The following MYO5B variants were observed in gnomAD, a reference collection of about 807,000 sequenced individuals.
MYO5B encodes the protein myosin VB.
MYO5B carries 143 observed loss-of-function variants against 229.3 expected under a neutral mutation model. That is an observed-to-expected ratio of 0.62 (90% CI 0.54 to 0.72). The LOEUF (loss-of-function observed/expected upper bound fraction) is 0.72. MYO5B is among the 30% of genes least tolerant of loss of function. MYO5B has a pLI of 0.00. For missense variants in MYO5B, 2,321 were observed against 2,331.0 expected (o/e 1.00, Z 0.09); for synonymous variants, 918 against 885.2 (o/e 1.04, Z -0.66).
intron 14 of MYO5B, among the ~76,000 whole-genome samples, chr18:49,951,152 T>A (rs1157842880): frequency 6.6e-6 from 1 of 152,164 alleles, no homozygotes; most frequent in Non-Finnish European, 1.5e-5. Context: ...CCTGTATGAC[T>A]CCAGGTGGAA....
Position 50,099,253 on chromosome 18 carries a change from C to T in MYO5B, c.28-43875G>A, listed in dbSNP as rs1239102290. Reference sequence around the variant, plus strand: ...ATAAGAACAACTGATACAATAAAACCCAAAACACCTGAAACAAAAAAGGCA... The same window carrying T: ...ATAAGAACAACTGATACAATAAAACTCAAAACACCTGAAACAAAAAAGGCA... On this transcript the variant is annotated intron_variant, in intron 1 of 39. Transcript: ENST00000285039. The T allele has an allele frequency of 5.3e-5, 8 of 152,188 alleles. No individual in the cohort carries two copies. The East Asian group carries it at 1.5e-3, about 29-fold the overall frequency. 9.4% of individuals were successfully genotyped at this position (152,188 alleles called of 1,614,324 possible). A position where few individuals can be genotyped will look rare whatever the true frequency, so the allele number is the denominator to read the frequency against.
rs375245194 is a variant in MYO5B at position 49,906,562 on chromosome 18, C to T, written c.2271G>A (p.Glu757=). Residue 757 remains glutamate (E), a synonymous_variant, in exon 19 of 40, where the codon GAG becomes GAA. Coordinates refer to ENST00000285039, the MANE Select transcript of MYO5B (RefSeq NM_001080467.3). ...TCCGGAACTTGTCAGCCCGCAGCTT[C>T]TCCAGGTAGGCCACCTGGCCTGCTC... ...FFRAGQVAYL[E]KLRADKFRTA... is the part of the protein sequence containing the mutation. 4.3e-6 allele frequency: 7 copies of T among 1,614,194 alleles called. No individual in the cohort carries two copies. Among genetic ancestry groups the T allele is most frequent in the Non-Finnish European group, 5.9e-6 (7 of 1,180,038 alleles).
At chr18:50,058,404 A>G (rs1297884695) in intron 1 of MYO5B, among the ~76,000 whole-genome samples, 2 of 152,240 alleles carry the variant, frequency 1.3e-5, no homozygotes, top group African/African-American at 4.8e-5. Flanking sequence ...CAGAAGCTCA[A>G]GGTTACAGTG....
At chr18:50,194,300 C>A (rs1242301992) in intron 1 of MYO5B, among the ~76,000 whole-genome samples, 1 of 152,266 alleles carries the variant, frequency 6.6e-6, no homozygotes, top group East Asian at 1.9e-4. Context: ...AAGGACGCCT[C>A]GGAGGCGCGC....
At chr18:49,948,915 C>T (rs999703491) in intron 14 of MYO5B, among the ~76,000 whole-genome samples, 1 of 152,126 alleles carries the variant, frequency 6.6e-6, no homozygotes, top group Admixed American at 6.5e-5. Context: ...AATTGTAGGT[C>T]CCTGTCATTG....
At chr18:50,187,663 A>C (rs2033166857) in intron 1 of MYO5B, among the ~76,000 whole-genome samples, 2 of 152,108 alleles carry the variant, frequency 1.3e-5, no homozygotes, top group South Asian at 4.1e-4. Context: ...CCACAGGTGC[A>C]TGCCATCACA....
At chr18:49,910,893 A>G (rs1461099991) in intron 18 of MYO5B, among the ~76,000 whole-genome samples, 1 of 152,226 alleles carries the variant, frequency 6.6e-6, no homozygotes, top group East Asian at 1.9e-4. Context: ...TTATCGAGCC[A>G]TTAATGATCA....
intron 14 of MYO5B, among the ~76,000 whole-genome samples, chr18:49,941,519 C>T (rs1310092332): frequency 3.3e-5 from 5 of 152,094 alleles, no homozygotes; most frequent in African/African-American, 1.2e-4. Flanking sequence ...GAGACAAATC[C>T]CTGCTAAGGA....
At chr18:50,044,181 C>A (rs2030154371) in intron 2 of MYO5B, among the ~76,000 whole-genome samples, 1 of 152,122 alleles carries the variant, frequency 6.6e-6, no homozygotes, top group South Asian at 2.1e-4. Context: ...GAGGTGGGGG[C>A]TGCAAGCTCA....
At chr18:49,872,094 C>A (rs1447104350) in intron 27 of MYO5B, 73 bp downstream of exon 27, 1 of 1,443,290 alleles carries the variant, frequency 6.9e-7, no homozygotes, top group Non-Finnish European at 9.7e-7. Flanking sequence ...GGCCTGATTT[C>A]CTGATGCCCA....
chr18:50,128,565 A>C (rs1334777872), intron 1 of MYO5B, among the ~76,000 whole-genome samples: 1 of 152,192 alleles, frequency 6.6e-6, no homozygotes, highest in African/African-American at 2.4e-5. Context: ...CGCCTAGCTC[A>C]GTGACAGGAA....
At chr18:50,135,013 T>G (rs2032314347) in intron 1 of MYO5B, among the ~76,000 whole-genome samples, 1 of 152,210 alleles carries the variant, frequency 6.6e-6, no homozygotes, top group Non-Finnish European at 1.5e-5. Flanking sequence ...TCTGCCTGAT[T>G]GTAATAAGTG....
chr18:50,004,734 G>T (rs1236343252), intron 4 of MYO5B, among the ~76,000 whole-genome samples: 1 of 152,066 alleles, frequency 6.6e-6, no homozygotes, highest in Non-Finnish European at 1.5e-5. Flanking sequence ...ACACCACTGG[G>T]CAACAGAGCA....
chr18:49,915,145 T>C (rs2144167678), intron 17 of MYO5B, among the ~76,000 whole-genome samples: 1 of 152,214 alleles, frequency 6.6e-6, no homozygotes, highest in East Asian at 1.9e-4. Context: ...TTCCTTTTTT[T>C]TTCCTCTATG....
chr18:49,955,619 A>C (rs758611577), intron 12 of MYO5B, among the ~76,000 whole-genome samples: 2 of 152,262 alleles, frequency 1.3e-5, no homozygotes, highest in Non-Finnish European at 2.9e-5. Context: ...CTTTGTAAGC[A>C]AACTGATTTT....
chr18:49,846,467 C>A (rs1376337823), intron 33 of MYO5B, among the ~76,000 whole-genome samples: 1 of 152,180 alleles, frequency 6.6e-6, no homozygotes, highest in Non-Finnish European at 1.5e-5. Flanking sequence ...TACACAAGAA[C>A]ACTGGTGAGT....
chr18:50,109,514 T>C (rs111331768), intron 1 of MYO5B, among the ~76,000 whole-genome samples: 36,355 of 151,548 alleles, frequency 0.24, 5,323 homozygotes, highest in African/African-American at 0.42. Flanking sequence ...CAAGCTCCGC[T>C]TCCGGGGTTC....
chr18:50,018,039 G>GT (rs1054354266), intron 4 of MYO5B, among the ~76,000 whole-genome samples: 3 of 152,202 alleles, frequency 2.0e-5, no homozygotes, highest in South Asian at 2.1e-4. Flanking sequence ...TCTTTTAAGT[G>GT]TTTTTTTCTC....
At chr18:50,130,359 C>A (rs926352663) in intron 1 of MYO5B, among the ~76,000 whole-genome samples, 1 of 152,160 alleles carries the variant, frequency 6.6e-6, no homozygotes, top group African/African-American at 2.4e-5. Flanking sequence ...CCCAGTTGCC[C>A]TGTAGAATTT....
Sources: gnomAD v4.1 joint callset for allele counts (sites outside exome capture counted in the v4.1 genomes callset) on GRCh38, gnomAD v4.1.1 for gene constraint, MANE v1.5 for transcripts, NCBI Gene and HGNC (gene_info 2026-07-23, HGNC 2026-07-21) for gene names.